LPAR1: variants seen among roughly 807,000 people sequenced by gnomAD.
The protein encoded by LPAR1 is LPA receptor 1.
LPAR1 carries 5 observed loss-of-function variants against 23.8 expected under a neutral mutation model. That is an observed-to-expected ratio of 0.21 (90% CI 0.11 to 0.44). The LOEUF is 0.44. LPAR1 is among the 20% of genes least tolerant of loss of function. The probability of loss-of-function intolerance (pLI) is 0.99; values close to 1 mark genes in which losing one functional copy is unlikely to be tolerated. For missense variants in LPAR1, 311 were observed against 482.8 expected, an observed-to-expected ratio of 0.64 and a Z score of 3.33; for synonymous variants, 160 against 164.7, an observed-to-expected ratio of 0.97 and a Z score of 0.22.
At chr9:110,932,299 A>G (rs972039718) in intron 5 of LPAR1, among the ~76,000 whole-genome samples, 2 of 152,222 alleles carry the variant, frequency 1.3e-5, no homozygotes, top group African/African-American at 4.8e-5. Context: ...AGCCATGATG[A>G]TTCTTCACAG....
chr9:110,914,403 T>C (rs1228286847), intron 5 of LPAR1, among the ~76,000 whole-genome samples: 1 of 151,282 alleles, frequency 6.6e-6, no homozygotes, highest in Non-Finnish European at 1.5e-5. Flanking sequence ...GTGAAAGGGG[T>C]TTCCCCCTGT....
At chr9:111,029,357 T>G (rs1326805841) in intron 2 of LPAR1, among the ~76,000 whole-genome samples, 1 of 152,160 alleles carries the variant, frequency 6.6e-6, no homozygotes, top group East Asian at 1.9e-4. Flanking sequence ...TCTCGTGTCC[T>G]GTCTGGTAAT....
chr9:110,968,471 T>G (rs1027960716), intron 4 of LPAR1, among the ~76,000 whole-genome samples: 1 of 152,106 alleles, frequency 6.6e-6, no homozygotes, highest in Admixed American at 6.6e-5. Flanking sequence ...CTTGGGACAC[T>G]TGACATTCAC....
In LPAR1 at chr9:110,972,200, A is replaced by G. The variant is rs2096446045; in HGVS notation, c.-83T>C. 8.2e-7 allele frequency: 1 copy of G among 1,226,198 alleles called. No individual in the cohort carries two copies. The highest frequency in any genetic ancestry group is 1.2e-5 in the South Asian group (1 of 82,128). 76.0% of individuals were successfully genotyped at this position (1,226,198 alleles called of 1,614,324 possible). A position where few individuals can be genotyped will look rare whatever the true frequency, so the allele number is the denominator to read the frequency against. On this transcript the variant is annotated 5_prime_UTR_variant, in exon 4 of 6. An upstream start codon of the reference 5' UTR is lost. Coordinates refer to ENST00000683809, the MANE Select transcript of LPAR1 (RefSeq NM_001351411.2). ...CTTGTTTGCTGATCAGATCGAAGTC[A>G]TGCTAGGAGAAGCTGTGTACCTGGA...
intron 5 of LPAR1, among the ~76,000 whole-genome samples, chr9:110,925,797 T>C (rs2093978078): frequency 6.6e-6 from 1 of 152,194 alleles, no homozygotes; most frequent in African/African-American, 2.4e-5. Flanking sequence ...AATCTAATTT[T>C]CTCAACAATC....
At chr9:110,909,292 C>A (rs1394423998) in intron 5 of LPAR1, among the ~76,000 whole-genome samples, 1 of 152,192 alleles carries the variant, frequency 6.6e-6, no homozygotes, top group African/African-American at 2.4e-5. Flanking sequence ...CTAGACCAAA[C>A]CCCGGGTGTT....
chr9:110,890,332 G>A (rs145248173), intron 5 of LPAR1, among the ~76,000 whole-genome samples: 1 of 152,248 alleles, frequency 6.6e-6, no homozygotes, highest in Non-Finnish European at 1.5e-5. Flanking sequence ...ACCAGATTCA[G>A]ATGGATTTGT....
intron 4 of LPAR1, among the ~76,000 whole-genome samples, chr9:110,960,068 T>G (rs1455586219): frequency 6.6e-6 from 1 of 151,980 alleles, no homozygotes; most frequent in African/African-American, 2.4e-5. Context: ...ATAGAAGGAG[T>G]AAGTTCTAAC....
intron 2 of LPAR1, among the ~76,000 whole-genome samples, chr9:111,028,814 A>T (rs1471841187): frequency 6.6e-6 from 1 of 152,194 alleles, no homozygotes; most frequent in Admixed American, 6.5e-5. Flanking sequence ...TATGACAGCA[A>T]TATGAGACTC....
chr9:111,032,775 T>C (rs1395454422), intron 2 of LPAR1, among the ~76,000 whole-genome samples: 1 of 152,146 alleles, frequency 6.6e-6, no homozygotes, highest in East Asian at 1.9e-4. Flanking sequence ...ACAGGAATGG[T>C]TCACAGTAGC....
intron 2 of LPAR1, among the ~76,000 whole-genome samples, chr9:111,004,146 T>C (rs764742938): frequency 7.2e-5 from 11 of 152,226 alleles, no homozygotes; most frequent in Non-Finnish European, 1.5e-4. Context: ...CCTCCAGTGA[T>C]AGTCACCGTC....
rs1215151607 is a variant in LPAR1 at position 110,875,601 on chromosome 9, G to C, written c.915C>G (p.Ala305=). 1 of 1,614,052 alleles carries C rather than the reference G, an allele frequency of 6.2e-7. No individual in the cohort carries two copies. Among genetic ancestry groups the C allele is most frequent in the South Asian group, 1.1e-5 (1 of 91,082 alleles). Residue 305 remains alanine (A), a synonymous_variant, in exon 6 of 6, where the codon GCC becomes GCG. Coordinates refer to ENST00000683809, the MANE Select transcript of LPAR1 (RefSeq NM_001351411.2). ...GGTAGGAGTAAATGATGGGGTTCAT[G>C]GCAGAGTTGAATTCAGCAAGGAGAA... ...FFLLLAEFNS[A]MNPIIYSYRD...
At chr9:110,977,161 C>T (rs2096570201) in intron 2 of LPAR1, among the ~76,000 whole-genome samples, 1 of 152,122 alleles carries the variant, frequency 6.6e-6, no homozygotes, top group Non-Finnish European at 1.5e-5. Context: ...AATGAGAATC[C>T]ACTAAACCCA....
At chr9:110,980,911 T>C (rs1225909273) in intron 2 of LPAR1, among the ~76,000 whole-genome samples, 1 of 152,068 alleles carries the variant, frequency 6.6e-6, no homozygotes, top group African/African-American at 2.4e-5. Context: ...TATGTACAAA[T>C]GTATATCAAT....
In LPAR1 at chr9:111,038,358, G is replaced by A. The variant is rs1168559654; in HGVS notation, c.-453C>T. The A allele has an allele frequency of 6.4e-6, 1 of 155,640 alleles. No individual in the cohort carries two copies. Among genetic ancestry groups the A allele is most frequent in the African/African-American group, 2.4e-5 (1 of 41,248 alleles). 9.6% of individuals were successfully genotyped at this position (155,640 alleles called of 1,614,324 possible). ...GGTCCCGTGCTCGGCCGGGCGGCGG[G>A]GAGGGCTCCGCGGCTCCGGGCCCTG... On this transcript the variant is annotated 5_prime_UTR_variant, in exon 1 of 6. Transcript: ENST00000683809. The surrounding 1 kb of genome is among the most constrained non-coding windows in gnomAD (Gnocchi z 4.4).
chr9:111,024,138 T>C (rs1005706210), intron 2 of LPAR1, among the ~76,000 whole-genome samples: 3 of 152,078 alleles, frequency 2.0e-5, no homozygotes, highest in African/African-American at 7.2e-5. Context: ...CCTTTTGAAC[T>C]TCAACAAGAT....
upstream of LPAR1, chr9:111,038,583 C>T: frequency 2.2e-6 from 1 of 454,356 alleles, no homozygotes; most frequent in Non-Finnish European, 4.4e-6. This position sits in a 1 kb window ranked among gnomAD's most constrained non-coding sequence, Gnocchi z 4.4. Context: ...GCTTGTTCCA[C>T]GTAGCACAAG....
At chr9:110,882,618 G>T (rs547102069) in intron 5 of LPAR1, among the ~76,000 whole-genome samples, 1 of 152,264 alleles carries the variant, frequency 6.6e-6, no homozygotes, top group African/African-American at 2.4e-5. Flanking sequence ...TTATTTTTAA[G>T]TGTGAGGGTT....
chr9:110,934,868 A>G (rs2094597502), intron 5 of LPAR1, among the ~76,000 whole-genome samples: 1 of 152,012 alleles, frequency 6.6e-6, no homozygotes, highest in Non-Finnish European at 1.5e-5. Flanking sequence ...AGAGGAGAGG[A>G]GAGAGAGAGC....
Sources: allele counts gnomAD v4.1 joint callset (sites outside exome capture counted in the v4.1 genomes callset), GRCh38; gene constraint gnomAD v4.1.1; non-coding constraint Gnocchi (gnomAD v3.1); transcripts MANE v1.5; gene names NCBI Gene and HGNC (gene_info 2026-07-23, HGNC 2026-07-21).